The following SLC35F4 variants were observed in gnomAD, a reference collection of about 807,000 sequenced individuals.
SLC35F4 encodes the protein chromosome 14 open reading frame 36.
Under a neutral mutation model 44.2 loss-of-function variants are expected in SLC35F4, and 24 were observed. That is an observed-to-expected ratio of 0.54 (90% confidence interval 0.39 to 0.76). SLC35F4 has a LOEUF of 0.76. Among genes scored for constraint, SLC35F4 ranks in the 30% least tolerant of loss-of-function variants. The pLI, the probability that SLC35F4 is intolerant of heterozygous loss-of-function variation, is 0.00. For synonymous variants in SLC35F4, 238 were observed against 223.6 expected, an observed-to-expected ratio of 1.06 and a Z score of -0.57; for missense variants, 562 against 586.1, an observed-to-expected ratio of 0.96 and a Z score of 0.42.
intron 1 of SLC35F4, among the ~76,000 whole-genome samples, chr14:57,880,101 G>T (rs940822970): frequency 9.0e-6 from 1 of 110,786 alleles, no homozygotes; most frequent in Non-Finnish European, 2.0e-5. Context: ...AGGAAGGAAG[G>T]AAGGAAGGAC....
intron 1 of SLC35F4, among the ~76,000 whole-genome samples, chr14:57,715,925 G>A (rs574971300): frequency 2.6e-5 from 4 of 151,502 alleles, no homozygotes; most frequent in African/African-American, 9.7e-5. Flanking sequence ...AAGTAGAGGA[G>A]AGACAAAAGT....
chr14:57,840,418 T>G (rs1885377055), intron 1 of SLC35F4, among the ~76,000 whole-genome samples: 1 of 152,164 alleles, frequency 6.6e-6, no homozygotes, highest in South Asian at 2.1e-4. Flanking sequence ...TAGCTGAAAA[T>G]AGAATGAACA....
intron 1 of SLC35F4, among the ~76,000 whole-genome samples, chr14:57,894,458 G>A (rs1432767663): frequency 6.6e-6 from 1 of 152,020 alleles, no homozygotes; most frequent in Non-Finnish European, 1.5e-5. Flanking sequence ...TGAAAGAGAG[G>A]CACTCAGCCT....
intron 1 of SLC35F4, among the ~76,000 whole-genome samples, chr14:57,838,241 G>A (rs74053365): frequency 0.028 from 4,286 of 152,244 alleles, 60 homozygotes; most frequent in Middle Eastern, 0.044. Flanking sequence ...GGAGAACAGA[G>A]GTGAGGCTTC....
intron 1 of SLC35F4, among the ~76,000 whole-genome samples, chr14:57,640,912 G>T (rs2073202757): frequency 6.6e-6 from 1 of 151,888 alleles, no homozygotes; most frequent in South Asian, 2.1e-4. Context: ...GATATAGCAT[G>T]AACTTTATAA....
chr14:57,656,376 T>TATACACAC (rs1314183912), intron 1 of SLC35F4, among the ~76,000 whole-genome samples: 2 of 74,054 alleles, frequency 2.7e-5, no homozygotes, highest in African/African-American at 1.7e-4. Flanking sequence ...TATATATATA[T>TATACACAC]ACACACACAC....
At chr14:57,894,331 TACAAAATGTCCCTTTGCAGC>T (rs1555400418) in intron 1 of SLC35F4, among the ~76,000 whole-genome samples, 1 of 152,060 alleles carries the variant, frequency 6.6e-6, no homozygotes, top group Non-Finnish European at 1.5e-5. Context: ...AAGACAGTTG[TACAAAATGTCCCTTTGCAGC>T]ACTATTTAAA....
At chr14:57,615,670 G>C (rs1032622513) in intron 1 of SLC35F4, among the ~76,000 whole-genome samples, 2 of 151,346 alleles carry the variant, frequency 1.3e-5, no homozygotes, top group Non-Finnish European at 2.9e-5. Context: ...GCTTTAAGGA[G>C]TGTATTTTTA....
intron 1 of SLC35F4, among the ~76,000 whole-genome samples, chr14:57,824,406 AAGAT>A (rs369437602): frequency 5.9e-5 from 9 of 152,200 alleles, no homozygotes; most frequent in South Asian, 2.1e-4. Flanking sequence ...AGGTAGGTAG[AAGAT>A]AGATAGATAG....
chr14:57,625,117 C>CA (rs1157982529), intron 1 of SLC35F4, among the ~76,000 whole-genome samples: 1 of 152,158 alleles, frequency 6.6e-6, no homozygotes, highest in Non-Finnish European at 1.5e-5. Flanking sequence ...TCTCAGGATA[C>CA]AAAATCAATG....
At chr14:57,952,845 C>G (rs975867432) in intron 1 of SLC35F4, among the ~76,000 whole-genome samples, 2 of 151,194 alleles carry the variant, frequency 1.3e-5, no homozygotes, top group Admixed American at 1.3e-4. Flanking sequence ...GAGAATGGAA[C>G]CAAATTGGAA....
intron 1 of SLC35F4, among the ~76,000 whole-genome samples, chr14:57,931,048 C>T (rs1033083555): frequency 1.3e-5 from 2 of 152,108 alleles, no homozygotes; most frequent in African/African-American, 4.8e-5. Flanking sequence ...AATATTAGAA[C>T]TGAAAAAATC....
At position 57,600,719 on chromosome 14, in the gene SLC35F4, ACC is replaced by A. The variant is rs375224201; in HGVS notation, c.104-6597_104-6596del. The stretch of plus-strand genomic sequence containing the variant: ...AAAAAAAAAAAAAAAAAAAAAAAAA[ACC>A]AAAAAGATAAAATATCAATAACTCA... On this transcript the variant is annotated intron_variant, in intron 1 of 7. Transcript: ENST00000556826. 1.1e-3 allele frequency among the ~76,000 whole-genome samples: 156 copies of A among 142,334 alleles called. 1 individual carries two copies. Among genetic ancestry groups the A allele is most frequent in the African/African-American group, 3.0e-3 (114 of 38,100 alleles). The allele number at this position is 142,334 out of a possible 152,430, so 93.4% of individuals were successfully genotyped here.
chr14:57,632,912 T>C (rs1204345147), intron 1 of SLC35F4, among the ~76,000 whole-genome samples: 2 of 152,068 alleles, frequency 1.3e-5, no homozygotes, highest in African/African-American at 4.8e-5. Context: ...CCCTTCAATC[T>C]ATGACAACCA....
Position 57,756,562 on chromosome 14 carries a change from CAT to C in SLC35F4, c.103+109159_103+109160del, listed in dbSNP as rs1328054525. 3.3e-5 allele frequency among the ~76,000 whole-genome samples: 5 copies of C among 151,782 alleles called. No homozygotes were observed. The East Asian group carries it at 5.8e-4, about 18-fold the overall frequency. On this transcript the variant is annotated intron_variant, in intron 1 of 7. Transcript: ENST00000556826. ...TTTTGTATATATAAATGTTATATAA[CAT>C]ATAAATATTATATAAATATTGATTA...
chr14:57,577,592 T>C (rs17796589), intron 4 of SLC35F4, among the ~76,000 whole-genome samples: 19,472 of 152,084 alleles, frequency 0.13, 1,434 homozygotes, highest in Non-Finnish European at 0.16. Context: ...CTACTTTTCA[T>C]TGGTGTAAAA....
intron 1 of SLC35F4, among the ~76,000 whole-genome samples, chr14:57,643,602 T>C (rs140287023): frequency 0.027 from 4,151 of 152,120 alleles, 85 homozygotes; most frequent in South Asian, 0.075. Flanking sequence ...CAACTCATCA[T>C]TGGTCATTTT....
intron 1 of SLC35F4, among the ~76,000 whole-genome samples, chr14:57,692,170 G>A (rs1467989428): frequency 6.6e-6 from 1 of 152,160 alleles, no homozygotes; most frequent in Non-Finnish European, 1.5e-5. Flanking sequence ...GCATCCAATA[G>A]GTTTTCTTAT....
chr14:57,630,094 G>A (rs2072691625), intron 1 of SLC35F4: 1 of 544,708 alleles, frequency 1.8e-6, no homozygotes, highest in African/African-American at 1.9e-5. Context: ...TTGTGATGCT[G>A]AAGATGCTTA....
Sources: allele counts gnomAD v4.1 joint callset (sites outside exome capture counted in the v4.1 genomes callset), GRCh38; gene constraint gnomAD v4.1.1; transcripts MANE v1.5; gene names NCBI Gene and HGNC (gene_info 2026-07-23, HGNC 2026-07-21).